Variants in ATP2B1 observed in about 807,000 individuals in gnomAD.
The protein encoded by ATP2B1 is plasma membrane calcium-transporting ATPase 1.
Under a neutral mutation model 124.2 loss-of-function variants are expected in ATP2B1, and 14 were observed. The observed-to-expected ratio is 0.11, with a 90% CI of 0.07 to 0.18. The LOEUF (loss-of-function observed/expected upper bound fraction) is 0.18. Ranked by LOEUF, ATP2B1 falls within the 10% of genes least tolerant of loss-of-function variation. The pLI, the probability that ATP2B1 is intolerant of heterozygous loss-of-function variation, is 1.00. For missense variants in ATP2B1, 763 were observed against 1,466.1 expected (o/e 0.52, Z 7.83); for synonymous variants, 449 against 492.4 (o/e 0.91, Z 1.17).
chr12:89,623,982 G>A lies in ATP2B1; in HGVS notation c.1344+201C>T, dbSNP rs11105346. ...TAGTATTGTGTCAAGGCTGCCCTAT[G>A]TGGAATGCACAGGTCTCCTTCAGAG... is the stretch of plus-strand genomic sequence containing the variant. On this transcript the variant is annotated intron_variant, in intron 9 of 20. Coordinates refer to ENST00000428670, the MANE Select transcript of ATP2B1 (RefSeq NM_001366521.1). 8.3e-3 allele frequency among the ~76,000 whole-genome samples: 1,259 copies of A among 152,210 alleles called. 17 individuals are homozygous for A. Among genetic ancestry groups the A allele is most frequent in the African/African-American group, 0.029 (1,205 of 41,536 alleles).
intron 3 of ATP2B1, 190 bp downstream of exon 3, chr12:89,641,968 G>C: frequency 1.7e-6 from 1 of 598,374 alleles, no homozygotes; most frequent in Non-Finnish European, 2.9e-6. Flanking sequence ...ATTGTAAAAG[G>C]GAGGTAACAC....
At chr12:89,675,794 G>C (rs1439588420) in intron 1 of ATP2B1, among the ~76,000 whole-genome samples, 4 of 152,064 alleles carry the variant, frequency 2.6e-5, no homozygotes, top group African/African-American at 7.2e-5. Context: ...TATAATTCCA[G>C]TGATAGGTGT....
At chr12:89,678,178 C>T (rs1263940457) in intron 1 of ATP2B1, among the ~76,000 whole-genome samples, 2 of 151,788 alleles carry the variant, frequency 1.3e-5, no homozygotes, top group African/African-American at 4.8e-5. Flanking sequence ...ACTAAAGATG[C>T]GTAACATACT....
chr12:89,676,318 T>C lies in ATP2B1; in HGVS notation c.-221-20211A>G, dbSNP rs775273575. 2.0e-3 allele frequency among the ~76,000 whole-genome samples: 310 copies of C among 152,306 alleles called. 3 individuals carry two copies. The highest frequency in any genetic ancestry group is 1.3e-4 in the Non-Finnish European group (9 of 68,002). On this transcript the variant is annotated intron_variant, in intron 1 of 20. Coordinates refer to ENST00000428670, the MANE Select transcript of ATP2B1 (RefSeq NM_001366521.1). Reference sequence around the variant, plus strand: ...CAGACAAGGTTTACACAATTGATGGTTGCTAGAATTACTGGTGATGTATTT... The same window carrying C: ...CAGACAAGGTTTACACAATTGATGGCTGCTAGAATTACTGGTGATGTATTT...
intron 20 of ATP2B1, among the ~76,000 whole-genome samples, chr12:89,598,003 C>T (rs1157567415): frequency 1.0e-4 from 11 of 105,612 alleles, no homozygotes; most frequent in African/African-American, 4.0e-4. Flanking sequence ...TTTAAATTTA[C>T]ACAGTGATTT....
chr12:89,693,485 C>T (rs961118802), intron 1 of ATP2B1, among the ~76,000 whole-genome samples: 1 of 152,054 alleles, frequency 6.6e-6, no homozygotes, highest in African/African-American at 2.4e-5. Context: ...CATAATGAGT[C>T]CTAAAAAAAT....
chr12:89,599,029 G>A (rs1875261747), intron 20 of ATP2B1, 88 bp downstream of exon 20: 2 of 1,440,412 alleles, frequency 1.4e-6, no homozygotes, highest in African/African-American at 1.4e-5. Context: ...GGCTAGAGAG[G>A]AAGTTTAAGG....
chr12:89,606,259 C>A lies in ATP2B1; in HGVS notation c.2443-1913G>T, dbSNP rs1876846553. On this transcript the variant is annotated intron_variant, in intron 15 of 20. Transcript: ENST00000428670. Reference sequence around the variant, plus strand: ...AGTCCTCACCTTCATTAATGAAAGTCAGTAGTTAAAGCCTTATATTAAAAA... The same window carrying A: ...AGTCCTCACCTTCATTAATGAAAGTAAGTAGTTAAAGCCTTATATTAAAAA... Among the ~76,000 whole-genome samples the A allele has an allele frequency of 2.0e-5, 3 of 152,192 alleles. No homozygotes were observed. In the South Asian group the frequency reaches 6.2e-4, roughly 32 times the overall value.
chr12:89,684,967 T>C (rs916428299), intron 1 of ATP2B1, among the ~76,000 whole-genome samples: 5 of 152,200 alleles, frequency 3.3e-5, no homozygotes, highest in African/African-American at 9.6e-5. Context: ...ATTTTAGTAA[T>C]TGCCTATACT....
intron 5 of ATP2B1, among the ~76,000 whole-genome samples, chr12:89,632,749 G>A (rs1183542207): frequency 6.6e-6 from 1 of 152,140 alleles, no homozygotes; most frequent in Non-Finnish European, 1.5e-5. Context: ...TTGGAATAGG[G>A]AAATAAATGC....
chr12:89,624,112 C>A, intron 9 of ATP2B1, 71 bp downstream of exon 9: 1 of 1,354,446 alleles, frequency 7.4e-7, no homozygotes, highest in South Asian at 1.3e-5. Flanking sequence ...AAAGGAGTAA[C>A]TAGATGGGCA....
At chr12:89,667,603 CA>C (rs1887466612) in intron 1 of ATP2B1, among the ~76,000 whole-genome samples, 1 of 152,158 alleles carries the variant, frequency 6.6e-6, no homozygotes. Flanking sequence ...AAGTTCTTAC[CA>C]GTCCCAAAGG....
At chr12:89,602,605 T>C (rs1876076058) in intron 18 of ATP2B1, among the ~76,000 whole-genome samples, 1 of 152,188 alleles carries the variant, frequency 6.6e-6, no homozygotes, top group Non-Finnish European at 1.5e-5. Flanking sequence ...GATATAAAAC[T>C]GAAGTAATTT....
At chr12:89,679,141 T>A (rs1030703824) in intron 1 of ATP2B1, among the ~76,000 whole-genome samples, 5 of 152,122 alleles carry the variant, frequency 3.3e-5, no homozygotes, top group Admixed American at 3.3e-4. Flanking sequence ...AAAAAAGGAC[T>A]TTTGAAGGTG....
chr12:89,644,734 T>C (rs1884178154), intron 2 of ATP2B1, among the ~76,000 whole-genome samples: 2 of 152,212 alleles, frequency 1.3e-5, no homozygotes, highest in Non-Finnish European at 2.9e-5. Context: ...AGTGGTTATA[T>C]GAGCCTAACT....
At chr12:89,656,246 T>A (rs1885935234) in intron 1 of ATP2B1, 139 bp from the exon 2 acceptor site, 1 of 388,522 alleles carries the variant, frequency 2.6e-6, no homozygotes, top group African/African-American at 2.1e-5. Flanking sequence ...AGTCTTGTGC[T>A]TTTAAAGTGC....
chr12:89,615,503 C>G (rs567406684), intron 12 of ATP2B1, among the ~76,000 whole-genome samples: 1 of 152,176 alleles, frequency 6.6e-6, no homozygotes, highest in African/African-American at 2.4e-5. Context: ...AATCTCAAGC[C>G]TATTCTGGTC....
chr12:89,697,580 C>T lies in ATP2B1; in HGVS notation c.-222+11016G>A, dbSNP rs576001154. On this transcript the variant is annotated intron_variant, in intron 1 of 20. Transcript: ENST00000428670. ...AGATGACATATCTGGGTTATCCACA[C>T]ATTTAAACTTATTTCATACATGTAT... Among the ~76,000 whole-genome samples, 16 of 151,740 alleles carry T rather than the reference C, an allele frequency of 1.1e-4. 1 individual carries two copies. In the South Asian group the frequency reaches 3.3e-3, roughly 32 times the overall value.
At chr12:89,689,255 T>G (rs899914727) in intron 1 of ATP2B1, among the ~76,000 whole-genome samples, 2 of 152,090 alleles carry the variant, frequency 1.3e-5, no homozygotes, top group African/African-American at 4.8e-5. Flanking sequence ...TTTAATCCCA[T>G]GTATGTCCTA....
Sources: allele counts gnomAD v4.1 joint callset (sites outside exome capture counted in the v4.1 genomes callset), GRCh38; gene constraint gnomAD v4.1.1; transcripts MANE v1.5; gene names NCBI Gene and HGNC (gene_info 2026-07-23, HGNC 2026-07-21).